PKD1: variants seen among roughly 807,000 people sequenced by gnomAD.
The protein encoded by PKD1 is polycystin 1, transient receptor potential channel interacting, also known as polycystin-1.
A neutral mutation model predicts 361.7 loss-of-function variants in PKD1; 81 were observed. The observed-to-expected ratio is 0.22, with a 90% confidence interval of 0.19 to 0.27. The LOEUF (loss-of-function observed/expected upper bound fraction) is 0.27. PKD1 is among the 10% of genes least tolerant of loss of function. The pLI, the probability that PKD1 is intolerant of heterozygous loss-of-function variation, is 1.00. For missense variants in PKD1, 6,399 were observed against 6,118.3 expected (o/e 1.05, Z -1.53); for synonymous variants, 3,615 against 2,818.3 (o/e 1.28, Z -8.95).
Position 2,112,778 on chromosome 16 carries a change from A to T in PKD1, c.3161+10T>A, listed in dbSNP as rs2092552455. The T allele has an allele frequency of 6.3e-7, 1 of 1,595,348 alleles. No individual in the cohort carries two copies. Among genetic ancestry groups the T allele is most frequent in the Admixed American group, 1.7e-5 (1 of 59,974 alleles). On this transcript the variant is annotated intron_variant, in intron 13 of 45. Coordinates refer to ENST00000262304, the MANE Select transcript of PKD1 (RefSeq NM_001009944.3). ...GGTGCCCACCCCAAACCGGCCCCCG[A>T]GTCACTCACAGGAAGGCCACCTCCA...
At position 2,102,440 on chromosome 16, in the gene PKD1, G is replaced by A. The variant is rs1253909708; in HGVS notation, c.9142C>T (p.Leu3048Phe). 3 of 1,551,854 alleles carry A rather than the reference G, an allele frequency of 1.9e-6. No individual in the cohort carries two copies. The African/African-American group carries it at 4.1e-5, about 21-fold the overall frequency. ...PRQAVCLTRH[L>F]TAFGASLFVP... Reference sequence around the variant, plus strand: ...AAGAGGCTGGCGCCGAAGGCGGTGAGGTGGCGGGTGAGGCAGACGGCCTGG... The same window carrying A: ...AAGAGGCTGGCGCCGAAGGCGGTGAAGTGGCGGGTGAGGCAGACGGCCTGG... The change falls in exon 25 of 46, where the codon CTC (leucine) becomes TTC (phenylalanine). Residue 3048 changes from leucine to phenylalanine, a missense_variant. Transcript: ENST00000262304.
intron 10 of PKD1, 106 bp downstream of exon 10, chr16:2,115,272 G>T: frequency 8.3e-7 from 1 of 1,198,810 alleles, no homozygotes; most frequent in East Asian, 2.6e-5. Flanking sequence ...ACGTGGGAGG[G>T]GCCTGCAGGC....
At chr16:2,105,698 G>C (rs2092313972) in intron 20 of PKD1, 167 bp downstream of exon 20, 4 of 1,305,510 alleles carry the variant, frequency 3.1e-6, no homozygotes, top group South Asian at 1.3e-5. Flanking sequence ...AGAGGGCCCG[G>C]TGGGTGTGGC....
chr16:2,112,859 C>G lies in PKD1; in HGVS notation c.3090G>C (p.Val1030=), dbSNP rs778132640. 29 of 1,605,972 alleles carry G rather than the reference C, an allele frequency of 1.8e-5. 1 individual carries two copies. In the South Asian group the frequency reaches 3.1e-4, roughly 17 times the overall value. ...QGLQVSTVPA[V]LSPNATLALT... ...GTGCTAGCGTGGCATTGGGGGACAGCACGGCCGGCACTGTGGAGACCTGCA... is the reference window on the plus strand; with the variant it reads ...GTGCTAGCGTGGCATTGGGGGACAGGACGGCCGGCACTGTGGAGACCTGCA... The change falls in exon 13 of 46, where the codon GTG becomes GTC. Residue 1030 remains valine, a synonymous_variant. Transcript: ENST00000262304.
Position 2,093,668 on chromosome 16 carries a change from A to C in PKD1, c.10892T>G (p.Val3631Gly). The C allele has an allele frequency of 1.2e-6, 2 of 1,607,204 alleles. No homozygotes were observed. The highest frequency in any genetic ancestry group is 1.7e-6 in the Non-Finnish European group (2 of 1,177,112). The change falls in exon 37 of 46, where the codon GTA (valine) becomes GGA (glycine). Residue 3631 changes from valine (V) to glycine (G), a missense_variant. Physicochemically the swap from Val to Gly is moderately radical, Grantham distance 109. Coordinates refer to ENST00000262304, the MANE Select transcript of PKD1 (RefSeq NM_001009944.3). ...CACAGGCGTCACAGCCGGGCTCTCT[A>C]CCAGGGTGTCATCTTCATCCGGGTG... is the stretch of plus-strand genomic sequence containing the variant. Reference protein sequence around the residue: ...RLHPDEDDTLVESPAVTPVSA... With the variant: ...RLHPDEDDTLGESPAVTPVSA...
In PKD1 at chr16:2,118,450, A is replaced by G. The variant is rs2092674673; in HGVS notation, c.542T>C (p.Val181Ala). 8.3e-7 allele frequency: 1 copy of G among 1,206,018 alleles called. No homozygotes were observed. Among genetic ancestry groups the G allele is most frequent in the South Asian group, 1.3e-5 (1 of 78,118 alleles). 74.7% of individuals were successfully genotyped at this position (1,206,018 alleles called of 1,614,324 possible). The change falls in exon 5 of 46, where the codon GTC becomes GCC. Residue 181 changes from valine to alanine, a missense_variant. Physicochemically the swap from Val to Ala is moderately conservative, Grantham distance 64. Transcript: ENST00000262304. The surrounding 1 kb of genome is among the most constrained non-coding windows in gnomAD (Gnocchi z 6.0). ...LLDSGCGEEY[V>A]ACLPDNSSGT... is the part of the protein sequence containing the mutation. ...TGAGCTGTTGTCAGGGAGGCAGGCG[A>G]CATACTCCTCACCTAGAAGAGGCAG...
In PKD1 at chr16:2,100,257, C is replaced by T. The variant is rs769828593; in HGVS notation, c.9621G>A (p.Thr3207=). ...LQHVIVRDLQ[T]ARSAFFLVND... ...TGACCAGGAAGAAGGCGCTGCGTGCCGTCTGCAGGTCCCTGACGATGACGT... is the reference window on the plus strand; with the variant it reads ...TGACCAGGAAGAAGGCGCTGCGTGCTGTCTGCAGGTCCCTGACGATGACGT... Residue 3207 remains threonine, a synonymous_variant, in exon 28 of 46, where the codon ACG becomes ACA. Transcript: ENST00000262304. This position sits in a 1 kb window ranked among gnomAD's most constrained non-coding sequence, Gnocchi z 4.4. 18 of 1,610,760 alleles carry T rather than the reference C, an allele frequency of 1.1e-5. No individual in the cohort carries two copies. Among genetic ancestry groups the T allele is most frequent in the Middle Eastern group, 2.3e-4 (1 of 4,430 alleles).
chr16:2,091,611 G>T lies in PKD1; in HGVS notation c.11538-14C>A. The stretch of plus-strand genomic sequence containing the variant: ...ACAGCGCGGCTCCTGCGCAGAGGGT[G>T]CGGGTCAGTAGGAGCGGGTGGCAGG... On this transcript the variant is annotated splice_polypyrimidine_tract_variant and intron_variant, in intron 41 of 45. Coordinates refer to ENST00000262304, the MANE Select transcript of PKD1 (RefSeq NM_001009944.3). The T allele has an allele frequency of 6.4e-7, 1 of 1,562,412 alleles. No individual in the cohort carries two copies. Among genetic ancestry groups the T allele is most frequent in the Non-Finnish European group, 8.6e-7 (1 of 1,162,344 alleles).
intron 24 of PKD1, 61 bp from the exon 25 acceptor site, chr16:2,102,694 T>C (rs1265380736): frequency 4.4e-6 from 7 of 1,609,076 alleles, no homozygotes; most frequent in South Asian, 1.1e-5. Context: ...TGTCGCAGTC[T>C]CAGAGCCCAT....
Position 2,109,475 on chromosome 16 carries a change from C to G in PKD1, c.5692G>C (p.Val1898Leu). The G allele has an allele frequency of 1.2e-6, 2 of 1,609,112 alleles. No homozygotes were observed. Among genetic ancestry groups the G allele is most frequent in the Non-Finnish European group, 1.7e-6 (2 of 1,179,360 alleles). ...VGLVLWASSKVVAPGQLVHFQ... is the reference protein window; with the variant it reads ...VGLVLWASSKLVAPGQLVHFQ... ...TGGACCAGCTGCCCGGGCGCCACCA[C>G]CTTGCTGCTGGCCCACAGCACCAGG... Residue 1898 changes from valine (V) to leucine (L), a missense_variant, in exon 15 of 46, where the codon GTG (valine) becomes CTG (leucine). By Grantham distance (32) the Val-to-Leu change is conservative. Coordinates refer to ENST00000262304, the MANE Select transcript of PKD1 (RefSeq NM_001009944.3).
rs1555451143 is a variant in PKD1 at position 2,103,574 on chromosome 16, A to C, written c.8483T>G (p.Leu2828Arg). ...NLSDVVQLIF[L>R]VDSNPFPFGY... ...AAAGGGAAAGGGATTGGAGTCCACCAGAAAGATGAGCTGCACCACGTCACT... is the reference window on the plus strand; with the variant it reads ...AAAGGGAAAGGGATTGGAGTCCACCCGAAAGATGAGCTGCACCACGTCACT... Residue 2828 changes from leucine (L) to arginine (R), a missense_variant, in exon 23 of 46, where the codon CTG (leucine) becomes CGG (arginine). Coordinates refer to ENST00000262304, the MANE Select transcript of PKD1 (RefSeq NM_001009944.3). 1 of 1,610,166 alleles carries C rather than the reference A, an allele frequency of 6.2e-7. No individual in the cohort carries two copies.
rs553713361 is a variant in PKD1, at chr16:2,092,166, G to T, written c.11292C>A (p.Gly3764=). 1.1e-5 allele frequency: 18 copies of T among 1,609,820 alleles called. No individual in the cohort carries two copies. The East Asian group carries it at 3.1e-4, about 28-fold the overall frequency. The change falls in exon 40 of 46, where the codon GGC becomes GGA. Residue 3764 remains glycine (G), a synonymous_variant. Transcript: ENST00000262304. ...LQEALYPDPP[G]PRVHTCSAAG... ...CGGCCGAGCACGTGTGGACCCTGGG[G>T]CCGGGAGGGTCTGGGTAGAGTGCTG...
rs1567187445 is a variant in PKD1, at chr16:2,106,906, A to G, written c.7108T>C (p.Cys2370Arg). ...ACGGCCTGTGCCTTGCAGGACACAC[A>G]CTCCAAGGACACAATGGGCACCCGG... ...SGRVPIVSLE[C>R]VSCKAQAVYE... is the part of the protein sequence containing the mutation. The change falls in exon 17 of 46, where the codon TGT becomes CGT. Residue 2370 changes from cysteine (C) to arginine (R), a missense_variant. By Grantham distance (180) the Cys-to-Arg change is radical. Coordinates refer to ENST00000262304, the MANE Select transcript of PKD1 (RefSeq NM_001009944.3). This position sits in a 1 kb window ranked among gnomAD's most constrained non-coding sequence, Gnocchi z 6.5. 6.4e-7 allele frequency: 1 copy of G among 1,566,244 alleles called. No homozygotes were observed. Among genetic ancestry groups the G allele is most frequent in the Non-Finnish European group, 8.7e-7 (1 of 1,155,396 alleles).
chr16:2,092,191 G>A lies in PKD1; in HGVS notation c.11270-3C>T, dbSNP rs1156534392. 6 of 1,594,250 alleles carry A rather than the reference G, an allele frequency of 3.8e-6. No individual in the cohort carries two copies. Among genetic ancestry groups the A allele is most frequent in the South Asian group, 1.1e-5 (1 of 89,278 alleles). ...GCCGGGAGGGTCTGGGTAGAGTGCT[G>A]AAACACACAGAGCCCCAGGCCGGGG... On this transcript the variant is annotated splice_polypyrimidine_tract_variant and splice_region_variant and intron_variant, in intron 39 of 45. Coordinates refer to ENST00000262304, the MANE Select transcript of PKD1 (RefSeq NM_001009944.3).
At position 2,108,051 on chromosome 16, in the gene PKD1, G is replaced by C. The variant is rs528333610; in HGVS notation, c.6916-19C>G. The C allele has an allele frequency of 6.4e-7, 1 of 1,571,356 alleles. No homozygotes were observed. The highest frequency in any genetic ancestry group is 8.6e-7 in the Non-Finnish European group (1 of 1,160,652). On this transcript the variant is annotated intron_variant, in intron 15 of 45. Coordinates refer to ENST00000262304, the MANE Select transcript of PKD1 (RefSeq NM_001009944.3). ...CCTCCCTCTGCAGGCCGAGAACAAG[G>C]GGCGACGTGGCCTGAGAGCCCCATC...
At chr16:2,101,108 C>T (rs1229288760) in intron 26 of PKD1, among the ~76,000 whole-genome samples, 1 of 152,054 alleles carries the variant, frequency 6.6e-6, no homozygotes, top group Non-Finnish European at 1.5e-5. Flanking sequence ...GCCTCAGTCT[C>T]CCAAGGAGCT....
In PKD1 at chr16:2,090,696, G is replaced by C. The variant is rs745807227; in HGVS notation, c.12116C>G (p.Ala4039Gly). The change falls in exon 44 of 46, where the codon GCC (alanine) becomes GGC (glycine). Residue 4039 changes from alanine (A) to glycine (G), a missense_variant. Transcript: ENST00000262304. ...VTLGLVVLGV[A>G]YAQLAILLVS... ...TACCAGGATGGCCAGCTGGGCGTAG[G>C]CTACCCCGAGCACCACCAGGCCCAA... 1.9e-6 allele frequency: 3 copies of C among 1,612,102 alleles called. No individual in the cohort carries two copies. Among genetic ancestry groups the C allele is most frequent in the African/African-American group, 2.7e-5 (2 of 74,856 alleles).
intron 22 of PKD1, 115 bp downstream of exon 22, chr16:2,104,378 GGGGGA>G: frequency 1.2e-5 from 7 of 587,172 alleles, no homozygotes; most frequent in East Asian, 3.0e-5. Flanking sequence ...ATGGGAATTG[GGGGGA>G]GGGGAGGGGG....
At chr16:2,124,071 G>C (rs2151837195) in intron 1 of PKD1, among the ~76,000 whole-genome samples, 1 of 152,294 alleles carries the variant, frequency 6.6e-6, no homozygotes, top group South Asian at 2.1e-4. Flanking sequence ...GGAAGTCCCA[G>C]GTGTGTGGCC....
Sources: gnomAD v4.1 joint callset for allele counts (sites outside exome capture counted in the v4.1 genomes callset) on GRCh38, gnomAD v4.1.1 for gene constraint, Gnocchi (gnomAD v3.1) non-coding constraint, MANE v1.5 for transcripts, NCBI Gene and HGNC (gene_info 2026-07-23, HGNC 2026-07-21) for gene names.